DYSF: variants seen among roughly 807,000 people sequenced by gnomAD.
DYSF encodes dysferlin, also known as dystrophy-associated fer-1-like 1.
In DYSF, 212 loss-of-function variants were observed where a neutral mutation model predicts 274.9. The ratio of observed to expected loss-of-function variants is 0.77; its 90% CI spans 0.69 to 0.86. The LOEUF (loss-of-function observed/expected upper bound fraction) is 0.86, where lower values mean the gene tolerates loss of function less well. DYSF is among the 40% of genes least tolerant of loss of function. The pLI, the probability that DYSF is intolerant of heterozygous loss-of-function variation, is 0.00. For synonymous variants in DYSF, 1,091 were observed against 1,078.7 expected, an observed-to-expected ratio of 1.01 and a Z score of -0.22; for missense variants, 2,666 against 2,783.2, an observed-to-expected ratio of 0.96 and a Z score of 0.95.
In DYSF at chr2:71,561,888, G is replaced by A; in HGVS notation, c.2353G>A (p.Ala785Thr). The A allele has an allele frequency of 6.2e-7, 1 of 1,614,200 alleles. No individual in the cohort carries two copies. The highest frequency in any genetic ancestry group is 8.5e-7 in the Non-Finnish European group (1 of 1,180,034). Residue 785 changes from alanine (A) to threonine (T), a missense_variant, in exon 23 of 56, where the codon GCA becomes ACA. Around this residue, in one of 3 missense-constraint regions of DYSF, gnomAD observed 412 missense variants for 504.0 expected, o/e 0.82. Transcript: ENST00000410020. ...ALKLGHSELP[A>T]ALEQAEDWLL... ...GAAGCTCGGCCACAGTGAGCTCCCTGCAGCTCTGGAGCAGGCGGAGGACTG... is the reference window on the plus strand; with the variant it reads ...GAAGCTCGGCCACAGTGAGCTCCCTACAGCTCTGGAGCAGGCGGAGGACTG...
intron 53 of DYSF, among the ~76,000 whole-genome samples, chr2:71,679,565 G>T (rs2095270495): frequency 1.3e-5 from 2 of 152,124 alleles, no homozygotes; most frequent in African/African-American, 4.8e-5. Context: ...AATGGGCGGG[G>T]GTCATGCCTC....
chr2:71,457,206 G>T (rs1464565668), intron 1 of DYSF, among the ~76,000 whole-genome samples: 1 of 152,172 alleles, frequency 6.6e-6, no homozygotes, highest in African/African-American at 2.4e-5. Flanking sequence ...GCTACATCAT[G>T]ACCCGGTTAT....
At chr2:71,595,237 G>T (rs1356411738) in intron 32 of DYSF, among the ~76,000 whole-genome samples, 2 of 152,100 alleles carry the variant, frequency 1.3e-5, no homozygotes, top group Non-Finnish European at 2.9e-5. Flanking sequence ...TTATAATTTT[G>T]AACAATTTTT....
At chr2:71,589,361 G>T (rs1344978087) in intron 30 of DYSF, among the ~76,000 whole-genome samples, 2 of 152,182 alleles carry the variant, frequency 1.3e-5, no homozygotes, top group African/African-American at 4.8e-5. Flanking sequence ...GACTCATCTG[G>T]TCTTCACTAG....
intron 40 of DYSF, among the ~76,000 whole-genome samples, chr2:71,618,568 T>TGTGGGGTACAGTTGTGTGTGTG: frequency 5.7e-5 from 1 of 17,598 alleles, no homozygotes; most frequent in Non-Finnish European, 1.2e-4. Context: ...GAGTGTGTGT[T>TGTGGGGTACAGTTGTGTGTGTG]TGTGTGGGGT....
chr2:71,521,042 T>A, intron 12 of DYSF, 138 bp downstream of exon 12: 2 of 692,538 alleles, frequency 2.9e-6, no homozygotes, highest in Non-Finnish European at 5.0e-6. Context: ...ATGTGGAACA[T>A]GTAGAAAGGT....
At chr2:71,660,716 G>A (rs1180274603) in intron 45 of DYSF, 65 bp downstream of exon 45, 1 of 1,396,918 alleles carries the variant, frequency 7.2e-7, no homozygotes, top group South Asian at 1.2e-5. Context: ...AGTCTAGTGG[G>A]GGAGATGTGA....
chr2:71,488,557 C>T (rs779478853), intron 3 of DYSF, among the ~76,000 whole-genome samples: 20 of 152,226 alleles, frequency 1.3e-4, no homozygotes, highest in South Asian at 2.1e-4. Flanking sequence ...ATACCACAGG[C>T]GACACCTTAT....
intron 30 of DYSF, among the ~76,000 whole-genome samples, chr2:71,580,571 C>T (rs568331198): frequency 3.3e-5 from 5 of 152,214 alleles, no homozygotes; most frequent in East Asian, 3.9e-4. Context: ...CTGGGAGGTG[C>T]GAGGGGTTTA....
intron 17 of DYSF, among the ~76,000 whole-genome samples, chr2:71,543,954 GGGAGAGGGAGAC>G (rs1284744217): frequency 4.0e-5 from 6 of 151,188 alleles, no homozygotes; most frequent in South Asian, 2.1e-4. Flanking sequence ...GAGACGGAGA[GGGAGAGGGAGAC>G]GGAGAGGGAG....
chr2:71,467,007 C>G lies in DYSF; in HGVS notation c.91+74C>G, dbSNP rs1241034820. 5.3e-6 allele frequency: 8 copies of G among 1,521,196 alleles called. No individual in the cohort carries two copies. In the East Asian group the frequency reaches 1.5e-4, roughly 28 times the overall value. 94.2% of individuals were successfully genotyped at this position (1,521,196 alleles called of 1,614,324 possible). A position where few individuals can be genotyped will look rare whatever the true frequency, so the allele number is the denominator to read the frequency against. ...TCGGCGCTCACTGGCGGGTCTGAAG[C>G]CCCTGCTCCGGAGCTAACCCTAGTC... On this transcript the variant is annotated intron_variant, in intron 1 of 55. Coordinates refer to ENST00000410020, the MANE Select transcript of DYSF (RefSeq NM_001130987.2).
In DYSF at chr2:71,535,291, G is replaced by A. The variant is rs1252872621; in HGVS notation, c.1473G>A (p.Met491Ile). The change falls in exon 16 of 56, where the codon ATG (methionine) becomes ATA (isoleucine). Residue 491 changes from methionine (M) to isoleucine (I), a missense_variant. Coordinates refer to ENST00000410020, the MANE Select transcript of DYSF (RefSeq NM_001130987.2). The part of the protein sequence containing the change: ...PAMFPSMCEK[M>I]RIRIIDWDRL... ...AGTTTCCCTCCATGTGCGAAAAAAT[G>A]AGGATTCGTATCATAGACTGGTGAG... is the stretch of plus-strand genomic sequence containing the variant. 9.9e-6 allele frequency: 16 copies of A among 1,614,080 alleles called. No homozygotes were observed. Among genetic ancestry groups the A allele is most frequent in the Non-Finnish European group, 1.4e-5 (16 of 1,180,036 alleles).
At chr2:71,628,730 C>A (rs1235062905) in intron 41 of DYSF, among the ~76,000 whole-genome samples, 1 of 152,050 alleles carries the variant, frequency 6.6e-6, no homozygotes, top group Non-Finnish European at 1.5e-5. Context: ...GCAGGCAGAT[C>A]ATTGAGCTCA....
chr2:71,547,005 G>A (rs2090529622), intron 17 of DYSF, among the ~76,000 whole-genome samples: 6 of 152,230 alleles, frequency 3.9e-5, no homozygotes, highest in Admixed American at 3.9e-4. Context: ...GCTGGGCTTC[G>A]TTGCTCGGGC....
chr2:71,662,467 T>A (rs948298597), intron 45 of DYSF, among the ~76,000 whole-genome samples: 3 of 151,200 alleles, frequency 2.0e-5, no homozygotes, highest in African/African-American at 7.4e-5. Context: ...TGTGCACATA[T>A]GTGCGTGCGT....
chr2:71,673,142 C>T (rs965934827), intron 51 of DYSF, among the ~76,000 whole-genome samples: 5 of 152,234 alleles, frequency 3.3e-5, no homozygotes, highest in African/African-American at 9.6e-5. Flanking sequence ...ACTTGGCACC[C>T]ACCATCTGCA....
intron 41 of DYSF, among the ~76,000 whole-genome samples, chr2:71,643,081 C>T (rs1162371061): frequency 1.3e-5 from 2 of 152,100 alleles, no homozygotes; most frequent in East Asian, 1.9e-4. Flanking sequence ...TTGGGGTGAA[C>T]TGACCATCCC....
chr2:71,529,925 T>C (rs1005929438), intron 14 of DYSF, among the ~76,000 whole-genome samples: 3 of 152,084 alleles, frequency 2.0e-5, no homozygotes, highest in African/African-American at 7.2e-5. Context: ...AATCAGTCAT[T>C]ATTGTGTTGA....
chr2:71,466,306 G>T (rs1191959180), upstream of DYSF, among the ~76,000 whole-genome samples: 4 of 152,238 alleles, frequency 2.6e-5, no homozygotes, highest in African/African-American at 9.6e-5. Flanking sequence ...CGTCCCCGCC[G>T]CTGATTGCCC....
Sources: allele counts gnomAD v4.1 joint callset (sites outside exome capture counted in the v4.1 genomes callset), GRCh38; gene constraint gnomAD v4.1.1; regional missense constraint gnomAD v4.1.1; transcripts MANE v1.5; gene names NCBI Gene and HGNC (gene_info 2026-07-23, HGNC 2026-07-21).